The following CYBRD1 variants were observed in gnomAD, a reference collection of about 807,000 sequenced individuals.
CYBRD1 encodes the protein plasma membrane ascorbate-dependent reductase CYBRD1.
Under a neutral mutation model 21.9 loss-of-function variants are expected in CYBRD1, and 14 were observed. The observed-to-expected ratio is 0.64, with a 90% CI of 0.42 to 1.00. The LOEUF (loss-of-function observed/expected upper bound fraction) is 1.00, where lower values mean the gene tolerates loss of function less well. CYBRD1 is among the 50% of genes least tolerant of loss of function. CYBRD1 has a pLI of 0.00. For missense variants in CYBRD1, 328 were observed against 352.5 expected, an observed-to-expected ratio of 0.93 and a Z score of 0.56; for synonymous variants, 146 against 136.5, an observed-to-expected ratio of 1.07 and a Z score of -0.48.
rs1683446826 is a variant in CYBRD1 at position 171,554,520 on chromosome 2, A to G, written c.558-4A>G. On this transcript the variant is annotated splice_polypyrimidine_tract_variant and splice_region_variant and intron_variant, in intron 3 of 3. Coordinates refer to ENST00000321348, the MANE Select transcript of CYBRD1 (RefSeq NM_024843.4). ...TGTAATTGGATACATCTCTTATTTC[A>G]TAGGAGAGATCCTGCATACAGTACA... 6.8e-6 allele frequency: 11 copies of G among 1,613,768 alleles called. No homozygotes were observed. The highest frequency in any genetic ancestry group is 4.0e-5 in the African/African-American group (3 of 75,016).
chr2:171,529,473 G>A (rs943999294), intron 1 of CYBRD1, among the ~76,000 whole-genome samples: 4 of 147,006 alleles, frequency 2.7e-5, no homozygotes, highest in African/African-American at 1.0e-4. Flanking sequence ...AGAGGTTGCG[G>A]TGAGCTGAGA....
chr2:171,525,547 A>G (rs1233800721), intron 1 of CYBRD1, among the ~76,000 whole-genome samples: 2 of 152,166 alleles, frequency 1.3e-5, no homozygotes, highest in African/African-American at 4.8e-5. Flanking sequence ...CAGACTCGCC[A>G]TGTTATAACA....
intron 3 of CYBRD1, among the ~76,000 whole-genome samples, chr2:171,554,173 G>C (rs1217168258): frequency 6.6e-6 from 1 of 152,142 alleles, no homozygotes; most frequent in Non-Finnish European, 1.5e-5. Context: ...TTTGCAAAGG[G>C]AGTAGCCTCG....
At chr2:171,532,041 G>C (rs899289876) in intron 1 of CYBRD1, among the ~76,000 whole-genome samples, 23 of 152,168 alleles carry the variant, frequency 1.5e-4, no homozygotes, top group Admixed American at 1.5e-3. Flanking sequence ...TTCGTGCTGT[G>C]AGACAGTTTG....
At chr2:171,537,370 G>A (rs552025047) in intron 1 of CYBRD1, among the ~76,000 whole-genome samples, 2 of 152,162 alleles carry the variant, frequency 1.3e-5, no homozygotes, top group Admixed American at 6.5e-5. Context: ...GAATTATGTA[G>A]GGTCTGCTTA....
At chr2:171,538,305 A>G (rs905714890) in intron 1 of CYBRD1, among the ~76,000 whole-genome samples, 1 of 152,160 alleles carries the variant, frequency 6.6e-6, no homozygotes, top group Non-Finnish European at 1.5e-5. Flanking sequence ...CTTATGGAGG[A>G]GCTACATGCT....
At chr2:171,526,909 C>T in intron 1 of CYBRD1, among the ~76,000 whole-genome samples, 1 of 152,282 alleles carries the variant, frequency 6.6e-6, no homozygotes, top group East Asian at 1.9e-4. Flanking sequence ...GTCTAATGAT[C>T]TCAAGTTGAT....
chr2:171,528,179 G>A lies in CYBRD1; in HGVS notation c.193+5441G>A, dbSNP rs143322889. ...GAGCTCACCGCAAACTCTGCCTCCC[G>A]GGTTCAAGCGATTCTCCTGCCTCAG... On this transcript the variant is annotated intron_variant, in intron 1 of 3. Coordinates refer to ENST00000321348, the MANE Select transcript of CYBRD1 (RefSeq NM_024843.4). 1.7e-3 allele frequency among the ~76,000 whole-genome samples: 259 copies of A among 152,102 alleles called. No individual in the cohort carries two copies. The East Asian group carries it at 0.017, about 10-fold the overall frequency.
At chr2:171,534,319 C>T (rs1327664143) in intron 1 of CYBRD1, among the ~76,000 whole-genome samples, 1 of 152,134 alleles carries the variant, frequency 6.6e-6, no homozygotes, top group African/African-American at 2.4e-5. Context: ...CTTAGGGGAC[C>T]TTTTTCTTCC....
intron 1 of CYBRD1, among the ~76,000 whole-genome samples, chr2:171,537,523 T>C (rs1043185904): frequency 6.6e-6 from 1 of 152,080 alleles, no homozygotes; most frequent in African/African-American, 2.4e-5. Context: ...ACAAGTAACC[T>C]AGTGAAATCT....
rs1332597967 is a variant in CYBRD1, at chr2:171,556,437, T to C, written c.*1610T>C. On this transcript the variant is annotated 3_prime_UTR_variant, in exon 4 of 4. Transcript: ENST00000321348. ...TTAAAACCTAGAGTAGTGCTTATGC[T>C]GAAATGATACTTTTCATTTTTTGGT... The C allele has an allele frequency of 6.6e-6, 1 of 152,220 alleles. No individual in the cohort carries two copies. Among genetic ancestry groups the C allele is most frequent in the East Asian group, 1.9e-4 (1 of 5,198 alleles). The allele number at this position is 152,220 out of a possible 1,614,324, so 9.4% of individuals were successfully genotyped here.
At chr2:171,545,138 C>CAAAA (rs761208882) in intron 2 of CYBRD1, among the ~76,000 whole-genome samples, 2 of 68,814 alleles carry the variant, frequency 2.9e-5, no homozygotes, top group Admixed American at 1.7e-4. Context: ...GACCCTGTCT[C>CAAAA]AAAAAAAAAA....
chr2:171,537,535 A>G (rs573759511), intron 1 of CYBRD1, among the ~76,000 whole-genome samples: 37 of 152,310 alleles, frequency 2.4e-4, no homozygotes, highest in African/African-American at 8.7e-4. Context: ...GTGAAATCTG[A>G]ATAAGGGATG....
rs746632911 is a variant in CYBRD1 at position 171,557,186 on chromosome 2, C to A, written c.*2359C>A. ...TTGTTTGAGACTCTTATTTAATGGG[C>A]TTTTGATTCTAATGATAATTGTACC... On this transcript the variant is annotated 3_prime_UTR_variant, in exon 4 of 4. Coordinates refer to ENST00000321348, the MANE Select transcript of CYBRD1 (RefSeq NM_024843.4). 2.6e-5 allele frequency: 4 copies of A among 152,322 alleles called. No individual in the cohort carries two copies. The highest frequency in any genetic ancestry group is 4.4e-5 in the Non-Finnish European group (3 of 68,012). 9.4% of individuals were successfully genotyped at this position (152,322 alleles called of 1,614,324 possible).
chr2:171,536,079 AC>A (rs1282292474), intron 1 of CYBRD1, among the ~76,000 whole-genome samples: 9 of 143,598 alleles, frequency 6.3e-5, no homozygotes, highest in Admixed American at 2.2e-4. Context: ...GCACATCAGA[AC>A]CCCCCCAGCA....
chr2:171,536,923 G>A (rs141986209), intron 1 of CYBRD1, among the ~76,000 whole-genome samples: 4 of 152,102 alleles, frequency 2.6e-5, no homozygotes, highest in Admixed American at 6.5e-5. Context: ...CTCCTTACCC[G>A]GAGTGGTGTT....
intron 1 of CYBRD1, among the ~76,000 whole-genome samples, chr2:171,524,338 G>T (rs1697354751): frequency 6.6e-6 from 1 of 152,142 alleles, no homozygotes; most frequent in Non-Finnish European, 1.5e-5. Flanking sequence ...TCTTTCCTTC[G>T]TGGTGGAGCC....
intron 1 of CYBRD1, among the ~76,000 whole-genome samples, chr2:171,539,486 A>G (rs1381321160): frequency 6.6e-6 from 1 of 152,048 alleles, no homozygotes; most frequent in Admixed American, 6.5e-5. Flanking sequence ...AAGAAAAGAA[A>G]TATACGTGAT....
At chr2:171,524,925 C>T (rs1360378029) in intron 1 of CYBRD1, among the ~76,000 whole-genome samples, 13 of 152,146 alleles carry the variant, frequency 8.5e-5, no homozygotes, top group Non-Finnish European at 7.3e-5. Flanking sequence ...GCTGCTCTTA[C>T]GAAAATCTTG....
Sources: gnomAD v4.1 joint callset for allele counts (sites outside exome capture counted in the v4.1 genomes callset) on GRCh38, gnomAD v4.1.1 for gene constraint, MANE v1.5 for transcripts, NCBI Gene and HGNC (gene_info 2026-07-23, HGNC 2026-07-21) for gene names.